Variants in FGFRL1 observed in about 807,000 individuals in gnomAD.
The protein encoded by FGFRL1 is fibroblast growth factor receptor-like 1.
FGFRL1 carries 24 observed loss-of-function variants against 36.8 expected under a neutral mutation model. That is an observed-to-expected ratio of 0.65 (90% CI 0.47 to 0.92). The LOEUF (loss-of-function observed/expected upper bound fraction) is 0.92, where lower values mean the gene tolerates loss of function less well. Ranked by LOEUF, FGFRL1 falls within the 40% of genes least tolerant of loss-of-function variation. The pLI is 0.00. For missense variants in FGFRL1, 785 were observed against 753.4 expected (o/e 1.04, Z -0.49); for synonymous variants, 422 against 344.1 (o/e 1.23, Z -2.50).
At position 1,024,331 on chromosome 4, in the gene FGFRL1, G is replaced by A. The variant is rs368039756; in HGVS notation, c.739G>A (p.Val247Met). ...CACAGAGCGGACCCGTTCCAAGCCCGTGCTCACAGGCACGCACCCCGTGAA... is the reference window on the plus strand; with the variant it reads ...CACAGAGCGGACCCGTTCCAAGCCCATGCTCACAGGCACGCACCCCGTGAA... ...DVIQRTRSKP[V>M]LTGTHPVNTT... Residue 247 changes from valine to methionine, a missense_variant, in exon 6 of 7, where the codon GTG becomes ATG. By Grantham distance (21) the Val-to-Met change is conservative. Transcript: ENST00000510644. The A allele has an allele frequency of 5.7e-5, 91 of 1,606,238 alleles. No individual in the cohort carries two copies. Among genetic ancestry groups the A allele is most frequent in the Non-Finnish European group, 7.3e-5 (86 of 1,175,652 alleles).
chr4:1,023,632 T>C lies in FGFRL1; in HGVS notation c.353-9T>C, dbSNP rs1453237993. The C allele has an allele frequency of 6.3e-7, 1 of 1,597,074 alleles. No individual in the cohort carries two copies. Among genetic ancestry groups the C allele is most frequent in the African/African-American group, 1.3e-5 (1 of 74,634 alleles). ...CCTGCCCTCCCTGTGCACCTCCGTCTCTCTGCAGATGACATTAGCCCAGGG... is the reference window on the plus strand; with the variant it reads ...CCTGCCCTCCCTGTGCACCTCCGTCCCTCTGCAGATGACATTAGCCCAGGG... On this transcript the variant is annotated splice_polypyrimidine_tract_variant and intron_variant, in intron 3 of 6. Coordinates refer to ENST00000510644, the MANE Select transcript of FGFRL1 (RefSeq NM_001004356.3). This position sits in a 1 kb window ranked among gnomAD's most constrained non-coding sequence, Gnocchi z 6.0.
rs1716345250 is a variant in FGFRL1 at position 1,023,943 on chromosome 4, A to G, written c.560A>G (p.Asp187Gly). 2 of 1,589,536 alleles carry G rather than the reference A, an allele frequency of 1.3e-6. No homozygotes were observed. Among genetic ancestry groups the G allele is most frequent in the Non-Finnish European group, 1.7e-6 (2 of 1,171,334 alleles). Residue 187 changes from aspartate to glycine, a missense_variant, in exon 5 of 7, where the codon GAC (aspartate) becomes GGC (glycine). Transcript: ENST00000510644. This position sits in a 1 kb window ranked among gnomAD's most constrained non-coding sequence, Gnocchi z 6.0. ...HPRPDITWMKDDQALTRPEAA... is the reference protein window; with the variant it reads ...HPRPDITWMKGDQALTRPEAA... ...CGGCCCGACATCACGTGGATGAAGG[A>G]CGACCAGGCCTTGACGCGCCCAGAG...
chr4:1,018,138 G>A (rs1369596132), intron 2 of FGFRL1, among the ~76,000 whole-genome samples: 1 of 152,144 alleles, frequency 6.6e-6, no homozygotes, highest in Non-Finnish European at 1.5e-5. Flanking sequence ...CAGGCCGCAG[G>A]GGGTTCCTGC....
intron 6 of FGFRL1, 105 bp downstream of exon 6, chr4:1,024,769 G>A (rs559484454): frequency 2.1e-4 from 301 of 1,403,192 alleles, no homozygotes; most frequent in Non-Finnish European, 2.5e-4. Context: ...CTCCCGGGCC[G>A]TGCTGGCCAG....
At position 1,025,785 on chromosome 4, in the gene FGFRL1, C is replaced by G. The variant is rs974647513; in HGVS notation, c.*438C>G. The stretch of plus-strand genomic sequence containing the variant: ...ACGCACACACGTGCAGATATGGTAT[C>G]CGGACACACACGTGCACAGATATGC... On this transcript the variant is annotated 3_prime_UTR_variant, in exon 7 of 7. Transcript: ENST00000510644. 7.4e-5 allele frequency: 17 copies of G among 230,506 alleles called. No individual in the cohort carries two copies. Among genetic ancestry groups the G allele is most frequent in the Middle Eastern group, 2.9e-3 (2 of 698 alleles). The allele number at this position is 230,506 out of a possible 1,614,324, so 14.3% of individuals were successfully genotyped here. A position where few individuals can be genotyped will look rare whatever the true frequency, so the allele number is the denominator to read the frequency against.
intron 3 of FGFRL1, 66 bp downstream of exon 3, chr4:1,022,541 C>A (rs113785389): frequency 1.7e-5 from 26 of 1,508,298 alleles, no homozygotes; most frequent in African/African-American, 1.7e-4. Flanking sequence ...TGCAGGAGGG[C>A]GGACGGGGAC....
chr4:1,011,590 G>A (rs933702740), upstream of FGFRL1, among the ~76,000 whole-genome samples: 2 of 1,468 alleles, frequency 1.4e-3, no homozygotes, highest in Non-Finnish European at 2.6e-3. Context: ...TGTGCCGGGG[G>A]CGGGTCGGGG....
At chr4:1,017,147 A>C (rs1266293536) in intron 2 of FGFRL1, among the ~76,000 whole-genome samples, 1 of 151,948 alleles carries the variant, frequency 6.6e-6, no homozygotes, top group African/African-American at 2.4e-5. Flanking sequence ...CAGCTTCTCC[A>C]GGAGGACTTG....
rs1715698649 is a variant in FGFRL1 at position 1,013,173 on chromosome 4, G to A, written c.79+609G>A. Among the ~76,000 whole-genome samples, 3 of 152,248 alleles carry A rather than the reference G, an allele frequency of 2.0e-5. No homozygotes were observed. The South Asian group carries it at 6.2e-4, about 31-fold the overall frequency. On this transcript the variant is annotated intron_variant, in intron 2 of 6. Transcript: ENST00000510644. ...CTGCGTGCCTCTGGGCACACGCTGT[G>A]CTGGCCTGGTACGTGCTCATGGCAC...
At chr4:1,022,886 G>A (rs1441853729) in intron 3 of FGFRL1, among the ~76,000 whole-genome samples, 1 of 152,230 alleles carries the variant, frequency 6.6e-6, no homozygotes, top group African/African-American at 2.4e-5. Context: ...GGGCCCGGGC[G>A]CTGGGCTTGG....
At position 1,024,542 on chromosome 4, in the gene FGFRL1, G is replaced by A; in HGVS notation, c.950G>A (p.Gly317Asp). 1 of 1,612,416 alleles carries A rather than the reference G, an allele frequency of 6.2e-7. No homozygotes were observed. Among genetic ancestry groups the A allele is most frequent in the Non-Finnish European group, 8.5e-7 (1 of 1,179,852 alleles). ...GGTGACGTGTGGTCGCGGCCCGACG[G>A]CTCCTACCTCAATAAGCTGCTCATC... is the stretch of plus-strand genomic sequence containing the variant. ...PTGDVWSRPDGSYLNKLLITR... is the reference protein window; with the variant it reads ...PTGDVWSRPDDSYLNKLLITR... Residue 317 changes from glycine (G) to aspartate (D), a missense_variant, in exon 6 of 7, where the codon GGC (glycine) becomes GAC (aspartate). Physicochemically the swap from Gly to Asp is moderately conservative, Grantham distance 94. Coordinates refer to ENST00000510644, the MANE Select transcript of FGFRL1 (RefSeq NM_001004356.3).
chr4:1,016,662 G>A (rs549071421), intron 2 of FGFRL1, among the ~76,000 whole-genome samples: 2 of 152,174 alleles, frequency 1.3e-5, no homozygotes, highest in South Asian at 2.1e-4. Flanking sequence ...CAGTTCCCCC[G>A]CACGTCCTGT....
At chr4:1,011,596 C>G (rs1715583736), upstream of FGFRL1, among the ~76,000 whole-genome samples, 1 of 122,294 alleles carries the variant, frequency 8.2e-6, no homozygotes, top group East Asian at 3.1e-4. Flanking sequence ...GGGGGCGGGT[C>G]GGGGGTCCGG....
intron 2 of FGFRL1, among the ~76,000 whole-genome samples, chr4:1,014,586 C>T (rs936897452): frequency 4.6e-5 from 7 of 151,982 alleles, no homozygotes; most frequent in African/African-American, 7.2e-5. Context: ...TGGGGGGTAG[C>T]GGGGTCAGTG....
chr4:1,022,615 C>T (rs1443786641), intron 3 of FGFRL1, 140 bp downstream of exon 3: 3 of 1,071,116 alleles, frequency 2.8e-6, no homozygotes, highest in Non-Finnish European at 3.9e-6. Flanking sequence ...CCCTGCCCCA[C>T]CTCAGCTGGC....
chr4:1,017,641 G>T (rs565264566), intron 2 of FGFRL1, among the ~76,000 whole-genome samples: 9 of 152,334 alleles, frequency 5.9e-5, no homozygotes, highest in Admixed American at 5.9e-4. Flanking sequence ...TGGAAAGTTG[G>T]AGGAGGCCGT....
chr4:1,025,382 G>A lies in FGFRL1; in HGVS notation c.*35G>A, dbSNP rs777973033. ...TATCTGCAGTGGGCACGGGGGGGCCGGCCAGACAGGCAGACTGGGAGGATG... is the reference window on the plus strand; with the variant it reads ...TATCTGCAGTGGGCACGGGGGGGCCAGCCAGACAGGCAGACTGGGAGGATG... On this transcript the variant is annotated 3_prime_UTR_variant, in exon 7 of 7. Transcript: ENST00000510644. The A allele has an allele frequency of 3.4e-5, 52 of 1,510,682 alleles. No homozygotes were observed. The highest frequency in any genetic ancestry group is 1.7e-4 in the Middle Eastern group (1 of 5,846). The allele number at this position is 1,510,682 out of a possible 1,614,324, so 93.6% of individuals were successfully genotyped here.
At chr4:1,014,394 G>A (rs1715774450) in intron 2 of FGFRL1, among the ~76,000 whole-genome samples, 1 of 152,196 alleles carries the variant, frequency 6.6e-6, no homozygotes, top group Admixed American at 6.5e-5. Flanking sequence ...TCTGAAGGAA[G>A]TCGTTTCAGG....
chr4:1,024,345 G>C lies in FGFRL1; in HGVS notation c.753G>C (p.Thr251=). 1 of 1,609,828 alleles carries C rather than the reference G, an allele frequency of 6.2e-7. No homozygotes were observed. The highest frequency in any genetic ancestry group is 8.5e-7 in the Non-Finnish European group (1 of 1,178,128). ...GTTCCAAGCCCGTGCTCACAGGCAC[G>C]CACCCCGTGAACACGACGGTGGACT... ...RTRSKPVLTG[T]HPVNTTVDFG... is the part of the protein sequence containing the mutation. The change falls in exon 6 of 7, where the codon ACG becomes ACC. Residue 251 remains threonine, a synonymous_variant. Transcript: ENST00000510644.
Sources: allele counts gnomAD v4.1 joint callset (sites outside exome capture counted in the v4.1 genomes callset), GRCh38; gene constraint gnomAD v4.1.1; non-coding constraint Gnocchi (gnomAD v3.1); transcripts MANE v1.5; gene names NCBI Gene and HGNC (gene_info 2026-07-23, HGNC 2026-07-21).